Variants in BMPER observed in about 807,000 individuals in gnomAD.
BMPER encodes the protein BMP binding endothelial regulator.
BMPER carries 45 observed loss-of-function variants against 87.3 expected under a neutral mutation model. The observed-to-expected ratio is 0.52, with a 90% confidence interval of 0.41 to 0.66. The LOEUF is 0.66. Ranked by LOEUF, BMPER falls within the 30% of genes least tolerant of loss-of-function variation. The pLI is 0.00. For missense variants in BMPER, 784 were observed against 867.5 expected (o/e 0.90, Z 1.21); for synonymous variants, 326 against 316.2 (o/e 1.03, Z -0.33).
At chr7:34,097,663 G>C (rs979084522) in intron 13 of BMPER, among the ~76,000 whole-genome samples, 3 of 152,190 alleles carry the variant, frequency 2.0e-5, no homozygotes, top group African/African-American at 2.4e-5. Flanking sequence ...GTTGATGCTG[G>C]GGTTCAGGAA....
intron 7 of BMPER, among the ~76,000 whole-genome samples, chr7:34,047,067 G>A (rs1787994194): frequency 6.6e-6 from 1 of 151,890 alleles, no homozygotes; most frequent in Non-Finnish European, 1.5e-5. Context: ...GCAGCCCAGC[G>A]AGTGGGTTGT....
At chr7:34,113,990 C>T (rs765970735) in intron 13 of BMPER, among the ~76,000 whole-genome samples, 3 of 152,206 alleles carry the variant, frequency 2.0e-5, no homozygotes, top group Non-Finnish European at 2.9e-5. Context: ...TTCTCTCTTA[C>T]TGACAGCATT....
At chr7:33,913,470 C>T (rs1396606066) in intron 2 of BMPER, among the ~76,000 whole-genome samples, 1 of 152,018 alleles carries the variant, frequency 6.6e-6, no homozygotes, top group Non-Finnish European at 1.5e-5. Flanking sequence ...GAAGTTTGGA[C>T]AACAGACTGC....
At chr7:33,952,659 C>T (rs1222643366) in intron 3 of BMPER, among the ~76,000 whole-genome samples, 1 of 152,326 alleles carries the variant, frequency 6.6e-6, no homozygotes, top group East Asian at 1.9e-4. Flanking sequence ...CATGAGTGTG[C>T]AGGCATCTGA....
intron 2 of BMPER, among the ~76,000 whole-genome samples, chr7:33,931,464 C>A (rs747008059): frequency 6.6e-6 from 1 of 152,200 alleles, no homozygotes; most frequent in Non-Finnish European, 1.5e-5. Context: ...CTACAGAGAT[C>A]TTTAGAAGAA....
intron 3 of BMPER, among the ~76,000 whole-genome samples, chr7:33,961,100 G>A (rs1397607058): frequency 6.6e-6 from 1 of 152,118 alleles, no homozygotes; most frequent in East Asian, 1.9e-4. Context: ...TTTCAATAAG[G>A]GACCAGCATG....
chr7:33,989,377 C>G (rs1282456488), intron 6 of BMPER, among the ~76,000 whole-genome samples: 2 of 151,946 alleles, frequency 1.3e-5, no homozygotes, highest in Non-Finnish European at 2.9e-5. Flanking sequence ...TGATGATGAG[C>G]TTTTTTTCAT....
intron 2 of BMPER, among the ~76,000 whole-genome samples, chr7:33,922,476 C>T (rs1002957289): frequency 6.6e-6 from 1 of 152,170 alleles, no homozygotes; most frequent in Non-Finnish European, 1.5e-5. Flanking sequence ...GTCCAACTCA[C>T]CTTATTTTAT....
Position 34,123,618 on chromosome 7 carries a change from A to G in BMPER, c.1746-19612A>G, listed in dbSNP as rs78225743. Among the ~76,000 whole-genome samples the G allele has an allele frequency of 2.6e-3, 402 of 152,268 alleles. 2 individuals carry two copies. Among genetic ancestry groups the G allele is most frequent in the African/African-American group, 9.1e-3 (377 of 41,568 alleles). ...TCTTTCACGTCTGAACTCCACTCTCATCTCCTGGATTATAGTTTAACTTAT... is the reference window on the plus strand; with the variant it reads ...TCTTTCACGTCTGAACTCCACTCTCGTCTCCTGGATTATAGTTTAACTTAT... On this transcript the variant is annotated intron_variant, in intron 13 of 14. Transcript: ENST00000649409.
chr7:34,134,048 G>A (rs1046853073), intron 13 of BMPER, among the ~76,000 whole-genome samples: 5 of 152,108 alleles, frequency 3.3e-5, no homozygotes, highest in African/African-American at 7.2e-5. Flanking sequence ...AAAGGTGGAC[G>A]GAGCAGAGGC....
intron 6 of BMPER, among the ~76,000 whole-genome samples, chr7:33,988,765 C>T (rs1786096972): frequency 9.4e-6 from 1 of 106,810 alleles, no homozygotes; most frequent in African/African-American, 3.6e-5. Flanking sequence ...TCCCTCCCCC[C>T]TCCCCCCACC....
chr7:33,985,656 AT>A (rs1554301892), intron 6 of BMPER, among the ~76,000 whole-genome samples: 1 of 151,640 alleles, frequency 6.6e-6, no homozygotes, highest in Non-Finnish European at 1.5e-5. Context: ...ACTATTTTCC[AT>A]TTGGAAATCT....
intron 13 of BMPER, among the ~76,000 whole-genome samples, chr7:34,140,320 C>G (rs1790831729): frequency 6.6e-6 from 1 of 152,186 alleles, no homozygotes; most frequent in African/African-American, 2.4e-5. Flanking sequence ...GTCACAAACT[C>G]TGTTCATTAT....
intron 6 of BMPER, among the ~76,000 whole-genome samples, chr7:34,028,803 A>G (rs1414134666): frequency 1.3e-5 from 2 of 151,612 alleles, no homozygotes; most frequent in African/African-American, 4.8e-5. Context: ...GCCTGTGTAG[A>G]GTAAACACAA....
At chr7:33,944,164 TA>T (rs1420848568) in intron 3 of BMPER, among the ~76,000 whole-genome samples, 11 of 152,016 alleles carry the variant, frequency 7.2e-5, no homozygotes, top group African/African-American at 2.7e-4. Context: ...ATTTATTTTT[TA>T]ATTTATTATT....
intron 2 of BMPER, among the ~76,000 whole-genome samples, chr7:33,910,231 G>A (rs1282285009): frequency 1.3e-5 from 2 of 152,184 alleles, no homozygotes; most frequent in Admixed American, 6.5e-5. Flanking sequence ...TTATGGGGCC[G>A]AGGAAAGGAA....
intron 14 of BMPER, among the ~76,000 whole-genome samples, chr7:34,148,014 G>A (rs115838949): frequency 1.5e-3 from 221 of 152,180 alleles, no homozygotes; most frequent in African/African-American, 5.1e-3. Flanking sequence ...CAAGGCTTCC[G>A]TTTGCCAAGG....
At chr7:34,073,402 A>G (rs1207854717) in intron 11 of BMPER, among the ~76,000 whole-genome samples, 1 of 152,252 alleles carries the variant, frequency 6.6e-6, no homozygotes, top group Non-Finnish European at 1.5e-5. Flanking sequence ...CAATGATAAT[A>G]CAATGGCAAG....
At position 34,064,836 on chromosome 7, in the gene BMPER, G is replaced by A. The variant is rs371936455; in HGVS notation, c.1078+2789G>A. Among the ~76,000 whole-genome samples the A allele has an allele frequency of 4.1e-4, 63 of 152,272 alleles. 1 individual carries two copies. The South Asian group carries it at 0.012, about 30-fold the overall frequency. ...TGCTGTAAAATGCATTCTATTTGGC[G>A]AGGCTTATTTGTTCAGATTGAGTTA... On this transcript the variant is annotated intron_variant, in intron 11 of 14. Transcript: ENST00000649409.
Sources: gnomAD v4.1 joint callset for allele counts (sites outside exome capture counted in the v4.1 genomes callset) on GRCh38, gnomAD v4.1.1 for gene constraint, MANE v1.5 for transcripts, NCBI Gene and HGNC (gene_info 2026-07-23, HGNC 2026-07-21) for gene names.